Variants in GIPR observed in about 807,000 individuals in gnomAD.
GIPR encodes the protein gastric inhibitory polypeptide receptor.
A neutral mutation model predicts 62.2 loss-of-function variants in GIPR; 74 were observed. The ratio of observed to expected loss-of-function variants is 1.19; its 90% CI spans 0.99 to 1.44. The LOEUF is 1.44. Among genes scored for constraint, GIPR ranks in the 40% most tolerant of loss-of-function variants. GIPR has a pLI of 0.00. For synonymous variants in GIPR, 256 were observed against 262.2 expected (o/e 0.98, Z 0.23); for missense variants, 664 against 611.8 (o/e 1.09, Z -0.90).
chr19:45,676,441 T>G (rs1347116725), intron 7 of GIPR, among the ~76,000 whole-genome samples: 1 of 135,240 alleles, frequency 7.4e-6, no homozygotes, highest in Non-Finnish European at 1.6e-5. Context: ...TTTTTTTTTT[T>G]TTTTTTTTTT....
chr19:45,678,387 G>T, intron 12 of GIPR, 161 bp downstream of exon 12: 1 of 875,590 alleles, frequency 1.1e-6, no homozygotes, highest in South Asian at 1.5e-5. Flanking sequence ...TTTTTGAGAC[G>T]GATTCTCGCC....
At chr19:45,673,636 C>T (rs1327326083) in intron 5 of GIPR, among the ~76,000 whole-genome samples, 3 of 151,744 alleles carry the variant, frequency 2.0e-5, no homozygotes, top group South Asian at 4.2e-4. Context: ...GAGGCCAAGG[C>T]GGGCGGATCA....
intron 9 of GIPR, 90 bp downstream of exon 9, chr19:45,677,473 G>T: frequency 1.0e-6 from 1 of 1,001,762 alleles, no homozygotes. Flanking sequence ...GGCAGGGTCG[G>T]AAGGCTATTC....
At position 45,669,554 on chromosome 19, in the gene GIPR, C is replaced by T; in HGVS notation, c.34C>T (p.Arg12Trp). The stretch of plus-strand genomic sequence containing the variant: ...CTCTCCGATCCTGCAGCTGCTGCTG[C>T]GGCTCTCACTGTGCGGGCTGCTGCT... The part of the protein sequence containing the change: ...TTSPILQLLL[R>W]LSLCGLLLQR... Residue 12 changes from arginine (R) to tryptophan (W), a missense_variant, in exon 2 of 14, where the codon CGG becomes TGG. Arg to Trp is a moderately radical substitution (Grantham distance 101). Transcript: ENST00000590918. The T allele has an allele frequency of 6.3e-7, 1 of 1,582,116 alleles. No homozygotes were observed.
Position 45,681,651 on chromosome 19 carries a change from C to T in GIPR, c.1194+6C>T. On this transcript the variant is annotated splice_donor_region_variant and intron_variant, in intron 13 of 13. Transcript: ENST00000590918. ...ACTGCTTCATCAACAAGGAGGTAGG[C>T]AGAGACCCGGCCGCCGCCCCCGCCC... 1 of 1,613,678 alleles carries T rather than the reference C, an allele frequency of 6.2e-7. No individual in the cohort carries two copies. Among genetic ancestry groups the T allele is most frequent in the South Asian group, 1.1e-5 (1 of 91,086 alleles).
chr19:45,672,187 T>A (rs9749225), intron 4 of GIPR, among the ~76,000 whole-genome samples: 116,606 of 150,720 alleles, frequency 0.77, 45,110 homozygotes, highest in Middle Eastern at 0.85. Context: ...TAATTTTTTT[T>A]AAAAAATTGG....
At chr19:45,678,369 CTTTT>C in intron 12 of GIPR, 143 bp downstream of exon 12, 2 of 808,132 alleles carry the variant, frequency 2.5e-6, no homozygotes, top group Admixed American at 2.7e-5. Context: ...TTAATTCATT[CTTTT>C]TTTTTTTTGA....
chr19:45,677,854 T>A (rs1414615264), intron 10 of GIPR, 52 bp from the exon 11 acceptor site: 2 of 1,596,852 alleles, frequency 1.3e-6, no homozygotes, highest in African/African-American at 2.7e-5. Context: ...CACCTCCTCC[T>A]GCCCCTTCAG....
At chr19:45,678,310 G>T (rs2146098426) in intron 12 of GIPR, 84 bp downstream of exon 12, 1 of 1,426,806 alleles carries the variant, frequency 7.0e-7, no homozygotes, top group African/African-American at 1.5e-5. Context: ...TCGTTCTCTG[G>T]TGCAGCCACT....
At chr19:45,675,728 A>C (rs1975814097) in intron 7 of GIPR, among the ~76,000 whole-genome samples, 1 of 151,830 alleles carries the variant, frequency 6.6e-6, no homozygotes, top group African/African-American at 2.4e-5. Flanking sequence ...CTCTACAAAA[A>C]CATACAAAAA....
Position 45,668,842 on chromosome 19 carries a change from G to C in GIPR, c.-45+544G>C, listed in dbSNP as rs1207169140. Among the ~76,000 whole-genome samples, 3 of 152,228 alleles carry C rather than the reference G, an allele frequency of 2.0e-5. No homozygotes were observed. The East Asian group carries it at 5.8e-4, about 29-fold the overall frequency. On this transcript the variant is annotated intron_variant, in intron 1 of 13. Transcript: ENST00000590918. ...CCCTAAGTATTTGGATGCTGGGAAA[G>C]GGTTGTTCCACTTACTCTGGGCTTT...
intron 4 of GIPR, among the ~76,000 whole-genome samples, chr19:45,672,067 G>T (rs1975573334): frequency 6.6e-6 from 1 of 150,578 alleles, no homozygotes; most frequent in Admixed American, 6.6e-5. Context: ...TCACCCATGT[G>T]GTGGCAGCAT....
At chr19:45,670,340 G>C (rs77265922) in intron 2 of GIPR, 2 of 318,676 alleles carry the variant, frequency 6.3e-6, no homozygotes, top group Non-Finnish European at 1.2e-5. Flanking sequence ...GCCCAGATTC[G>C]AGTTTTGATT....
chr19:45,674,904 T>C (rs765489208), intron 7 of GIPR, 78 bp downstream of exon 7: 2 of 1,342,958 alleles, frequency 1.5e-6, no homozygotes, highest in Non-Finnish European at 2.1e-6. Context: ...GTCCATTTCC[T>C]ATCTCCTACA....
chr19:45,672,778 T>C lies in GIPR; in HGVS notation c.281-73T>C. On this transcript the variant is annotated intron_variant, in intron 4 of 13. Transcript: ENST00000590918. ...CTTCGGCTCTCTCCCTCTCTGTTAT[T>C]GTCTCACAGTTTGTCTTTCTGTATT... The C allele has an allele frequency of 4.6e-6, 4 of 867,138 alleles. No individual in the cohort carries two copies. In the South Asian group the frequency reaches 5.4e-5, roughly 12 times the overall value. The allele number at this position is 867,138 out of a possible 1,614,324, so 53.7% of individuals were successfully genotyped here.
In GIPR at chr19:45,671,315, A is replaced by T; in HGVS notation, c.203A>T (p.Tyr68Phe). The change falls in exon 4 of 14, where the codon TAC (tyrosine) becomes TTC (phenylalanine). Residue 68 changes from tyrosine (Y) to phenylalanine (F), a missense_variant. Coordinates refer to ENST00000590918, the MANE Select transcript of GIPR (RefSeq NM_000164.4). ...GLACNGSFDMYVCWDYAAPNA... is the reference protein window; with the variant it reads ...GLACNGSFDMFVCWDYAAPNA... ...GCCTGTAACGGGTCCTTCGATATGT[A>T]CGTCTGCTGGGACTATGCTGCACCC... is the stretch of plus-strand genomic sequence containing the variant. 1.2e-6 allele frequency: 2 copies of T among 1,612,712 alleles called. No individual in the cohort carries two copies. The highest frequency in any genetic ancestry group is 1.7e-6 in the Non-Finnish European group (2 of 1,179,628).
intron 6 of GIPR, 104 bp from the exon 7 acceptor site, chr19:45,674,578 G>A: frequency 2.9e-6 from 3 of 1,032,716 alleles, no homozygotes; most frequent in East Asian, 2.4e-5. Flanking sequence ...CTGCATTCTA[G>A]CCTGGGTGAC....
intron 4 of GIPR, 30 bp from the exon 5 acceptor site, chr19:45,672,821 G>A (rs774248581): frequency 6.7e-6 from 9 of 1,335,452 alleles, no homozygotes; most frequent in African/African-American, 1.4e-5. Context: ...TTCTCTGTGT[G>A]CCTTAATTCC....
At position 45,671,165 on chromosome 19, in the gene GIPR, G is replaced by C. The variant is rs1480207786; in HGVS notation, c.173-120G>C. 6 of 733,506 alleles carry C rather than the reference G, an allele frequency of 8.2e-6. No individual in the cohort carries two copies. In the South Asian group the frequency reaches 8.4e-5, roughly 10 times the overall value. The allele number at this position is 733,506 out of a possible 1,614,324, so 45.4% of individuals were successfully genotyped here. On this transcript the variant is annotated intron_variant, in intron 3 of 13. Transcript: ENST00000590918. ...GTGGGCGGGGCTAGAGCCGGGCTTG[G>C]TGTGGCCGGCGGAGAAGCACTTGGC...
Sources: gnomAD v4.1 joint callset for allele counts (sites outside exome capture counted in the v4.1 genomes callset) on GRCh38, gnomAD v4.1.1 for gene constraint, MANE v1.5 for transcripts, NCBI Gene and HGNC (gene_info 2026-07-23, HGNC 2026-07-21) for gene names.